NKAIN3: variants seen among roughly 807,000 people sequenced by gnomAD.
NKAIN3 encodes the protein sodium/potassium transporting ATPase interacting 3, also known as sodium/potassium-transporting ATPase subunit beta-1-interacting protein 3.
NKAIN3 carries 25 observed loss-of-function variants against 30.2 expected under a neutral mutation model. That is an observed-to-expected ratio of 0.83 (90% confidence interval 0.60 to 1.16). The LOEUF is 1.16. NKAIN3 is among the 50% of genes most tolerant of loss of function. NKAIN3 has a pLI of 0.00. For missense variants in NKAIN3, 225 were observed against 254.1 expected (o/e 0.89, Z 0.78); for synonymous variants, 91 against 89.6 (o/e 1.02, Z -0.09).
intron 5 of NKAIN3, among the ~76,000 whole-genome samples, chr8:62,921,251 AAATAT>A (rs1159534788): frequency 1.1e-4 from 17 of 152,240 alleles, no homozygotes; most frequent in Non-Finnish European, 2.1e-4. Context: ...AGAGATCTGC[AAATAT>A]AATATAATGT....
Position 62,967,968 on chromosome 8 carries a change from T to C in NKAIN3, c.*2561T>C, listed in dbSNP as rs1823749086. Among the ~76,000 whole-genome samples the C allele has an allele frequency of 6.6e-6, 1 of 152,232 alleles. No individual in the cohort carries two copies. The highest frequency in any genetic ancestry group is 6.5e-5 in the Admixed American group (1 of 15,278). On this transcript the variant is annotated 3_prime_UTR_variant, in exon 7 of 7. Coordinates refer to ENST00000623646, the MANE Select transcript of NKAIN3 (RefSeq NM_001304533.3). ...AAAAAATCCTTACCTTAGTGATTTG[T>C]CTATGAATATTCAATGTAGGCAACT...
chr8:62,937,733 C>G (rs1402486895), intron 5 of NKAIN3, among the ~76,000 whole-genome samples: 1 of 152,036 alleles, frequency 6.6e-6, no homozygotes, highest in Non-Finnish European at 1.5e-5. Flanking sequence ...ACCACAGAAG[C>G]CTCAGCAGGC....
chr8:62,858,383 A>G (rs568530723), intron 4 of NKAIN3, among the ~76,000 whole-genome samples: 2 of 152,288 alleles, frequency 1.3e-5, no homozygotes, highest in Admixed American at 6.5e-5. Context: ...TTGATAGAGC[A>G]GCATGCGTGT....
intron 4 of NKAIN3, among the ~76,000 whole-genome samples, chr8:62,908,790 T>C (rs1385993970): frequency 6.6e-6 from 1 of 152,196 alleles, no homozygotes; most frequent in East Asian, 1.9e-4. Flanking sequence ...AGGTATGTCT[T>C]TATTAGAAGC....
chr8:62,395,777 A>G (rs1452121926), intron 1 of NKAIN3, among the ~76,000 whole-genome samples: 18 of 152,236 alleles, frequency 1.2e-4, no homozygotes, highest in Admixed American at 1.2e-3. Context: ...GTAGATATAG[A>G]TCTCAATTAG....
chr8:62,337,891 G>T (rs900451070), intron 1 of NKAIN3, among the ~76,000 whole-genome samples: 1 of 151,968 alleles, frequency 6.6e-6, no homozygotes, highest in Non-Finnish European at 1.5e-5. Context: ...AGATGCGGAG[G>T]TCAACAAGCC....
chr8:62,835,083 C>T (rs1819317705), intron 4 of NKAIN3, among the ~76,000 whole-genome samples: 1 of 152,016 alleles, frequency 6.6e-6, no homozygotes, highest in South Asian at 2.1e-4. Context: ...AAAAGGACTC[C>T]CCTATTCAAT....
intron 1 of NKAIN3, among the ~76,000 whole-genome samples, chr8:62,469,694 C>T (rs1477467460): frequency 6.6e-6 from 1 of 152,148 alleles, no homozygotes; most frequent in African/African-American, 2.4e-5. Flanking sequence ...CTTCCATCCA[C>T]CTTAGAGGCT....
chr8:62,894,309 C>A (rs1821372050), intron 4 of NKAIN3, among the ~76,000 whole-genome samples: 1 of 152,084 alleles, frequency 6.6e-6, no homozygotes, highest in Admixed American at 6.6e-5. Context: ...CCATTTTCAC[C>A]TTTAGTGAAA....
At chr8:62,901,022 TA>T (rs956351643) in intron 4 of NKAIN3, among the ~76,000 whole-genome samples, 8 of 152,068 alleles carry the variant, frequency 5.3e-5, no homozygotes, top group African/African-American at 1.9e-4. Flanking sequence ...CCAAGAACAG[TA>T]ATGGTCCTGA....
intron 4 of NKAIN3, among the ~76,000 whole-genome samples, chr8:62,909,086 T>A (rs1350186573): frequency 6.6e-6 from 1 of 152,194 alleles, no homozygotes. Flanking sequence ...CTCAATTTTT[T>A]AATTCATTCT....
At chr8:62,789,818 T>G (rs1335456957) in intron 4 of NKAIN3, among the ~76,000 whole-genome samples, 1 of 151,998 alleles carries the variant, frequency 6.6e-6, no homozygotes, top group Admixed American at 6.6e-5. Flanking sequence ...AGGCAACAAT[T>G]AATAGCATAC....
At chr8:62,926,399 C>G (rs1414693257) in intron 5 of NKAIN3, among the ~76,000 whole-genome samples, 1 of 152,230 alleles carries the variant, frequency 6.6e-6, no homozygotes, top group East Asian at 1.9e-4. Flanking sequence ...TGAACCTCCA[C>G]TTCTGCACGT....
intron 1 of NKAIN3, among the ~76,000 whole-genome samples, chr8:62,366,762 G>A (rs908153772): frequency 6.6e-6 from 1 of 151,300 alleles, no homozygotes; most frequent in Non-Finnish European, 1.5e-5. Flanking sequence ...TTTTTTTCTT[G>A]TTCCTTGAGG....
chr8:62,858,725 T>G (rs1296710335), intron 4 of NKAIN3, among the ~76,000 whole-genome samples: 2 of 152,074 alleles, frequency 1.3e-5, no homozygotes, highest in Admixed American at 6.5e-5. Context: ...AACAGCTGAG[T>G]CAACCAAACA....
At chr8:62,726,567 C>A (rs1461648958) in intron 3 of NKAIN3, among the ~76,000 whole-genome samples, 1 of 151,930 alleles carries the variant, frequency 6.6e-6, no homozygotes, top group East Asian at 1.9e-4. Flanking sequence ...TGGTTTTTAT[C>A]CTTCATTCTG....
At chr8:62,261,289 C>T (rs1368609107) in intron 1 of NKAIN3, among the ~76,000 whole-genome samples, 1 of 150,820 alleles carries the variant, frequency 6.6e-6, no homozygotes, top group Admixed American at 6.6e-5. Flanking sequence ...AATATTAAAT[C>T]CTTTGGTTTT....
intron 3 of NKAIN3, among the ~76,000 whole-genome samples, chr8:62,715,215 C>T (rs1458757669): frequency 3.3e-5 from 5 of 152,158 alleles, no homozygotes; most frequent in African/African-American, 1.2e-4. Context: ...GAAGACCCTC[C>T]TCCAACATTG....
At chr8:62,676,378 C>T (rs1813474959) in intron 3 of NKAIN3, among the ~76,000 whole-genome samples, 1 of 152,154 alleles carries the variant, frequency 6.6e-6, no homozygotes, top group African/African-American at 2.4e-5. Flanking sequence ...ACCATCCTGG[C>T]TAACACGGTG....
Sources: allele counts gnomAD v4.1 joint callset (sites outside exome capture counted in the v4.1 genomes callset), GRCh38; gene constraint gnomAD v4.1.1; transcripts MANE v1.5; gene names NCBI Gene and HGNC (gene_info 2026-07-23, HGNC 2026-07-21).